The following DMC1 variants were observed in gnomAD, a reference collection of about 807,000 sequenced individuals.
The protein encoded by DMC1 is meiotic recombination protein DMC1 homolog.
DMC1 carries 27 observed loss-of-function variants against 50.1 expected under a neutral mutation model. That is an observed-to-expected ratio of 0.54 (90% CI 0.40 to 0.74). The LOEUF (loss-of-function observed/expected upper bound fraction) is 0.74, where lower values mean the gene tolerates loss of function less well. Ranked by LOEUF, DMC1 falls within the 30% of genes least tolerant of loss-of-function variation. The probability of loss-of-function intolerance (pLI) is 0.00; values close to 1 mark genes in which losing one functional copy is unlikely to be tolerated. For synonymous variants in DMC1, 148 were observed against 136.1 expected, an observed-to-expected ratio of 1.09 and a Z score of -0.61; for missense variants, 295 against 420.2, an observed-to-expected ratio of 0.70 and a Z score of 2.60.
At chr22:38,540,137 GC>G (rs1479456873) in intron 8 of DMC1, among the ~76,000 whole-genome samples, 2 of 152,006 alleles carry the variant, frequency 1.3e-5, no homozygotes, top group African/African-American at 4.8e-5. Flanking sequence ...GGAGTTGTTA[GC>G]TTTTTTTTTG....
chr22:38,557,602 C>T (rs1402588603), intron 5 of DMC1, among the ~76,000 whole-genome samples: 1 of 152,042 alleles, frequency 6.6e-6, no homozygotes, highest in East Asian at 1.9e-4. Flanking sequence ...TCTACTCAGG[C>T]TGCAGTGAGC....
chr22:38,557,953 G>GTTTTTTTTTTTTTTTTT (rs1555940699), intron 5 of DMC1, among the ~76,000 whole-genome samples: 3 of 94,978 alleles, frequency 3.2e-5, no homozygotes, highest in Non-Finnish European at 4.3e-5. Context: ...ATTAGACAAA[G>GTTTTTTTTTTTTTTTTT]TTCTTTTTTT....
intron 5 of DMC1, 72 bp from the exon 6 acceptor site, chr22:38,555,481 T>A: frequency 3.1e-6 from 3 of 968,440 alleles, no homozygotes; most frequent in Non-Finnish European, 5.0e-6. Context: ...AGTATTCATA[T>A]CATTAGTATC....
At chr22:38,536,781 G>A (rs1427787834) in intron 12 of DMC1, among the ~76,000 whole-genome samples, 1 of 152,044 alleles carries the variant, frequency 6.6e-6, no homozygotes, top group East Asian at 1.9e-4. Context: ...ATTCTATAAA[G>A]AACTAGAGAA....
chr22:38,519,824 C>T lies in DMC1; in HGVS notation c.*196G>A, dbSNP rs527476724. The T allele has an allele frequency of 3.7e-6, 2 of 546,206 alleles. No individual in the cohort carries two copies. Among genetic ancestry groups the T allele is most frequent in the African/African-American group, 3.8e-5 (2 of 52,490 alleles). The allele number at this position is 546,206 out of a possible 1,614,324, so 33.8% of individuals were successfully genotyped here. A position where few individuals can be genotyped will look rare whatever the true frequency, so the allele number is the denominator to read the frequency against. ...CACACAAACATACATATACATATCCCTGAATTTACATACAATGTATAGTTA... is the reference window on the plus strand; with the variant it reads ...CACACAAACATACATATACATATCCTTGAATTTACATACAATGTATAGTTA... On this transcript the variant is annotated 3_prime_UTR_variant, in exon 14 of 14. Coordinates refer to ENST00000216024, the MANE Select transcript of DMC1 (RefSeq NM_007068.4).
At chr22:38,532,645 G>T (rs1257439318) in intron 12 of DMC1, among the ~76,000 whole-genome samples, 2 of 147,246 alleles carry the variant, frequency 1.4e-5, no homozygotes, top group Admixed American at 6.8e-5. Flanking sequence ...TTTGAGACAG[G>T]TTCTCACTCT....
chr22:38,536,709 C>T (rs371229074), intron 12 of DMC1, among the ~76,000 whole-genome samples: 6 of 152,210 alleles, frequency 3.9e-5, no homozygotes, highest in Non-Finnish European at 8.8e-5. Context: ...CTCCCATACC[C>T]CTTTAGCCCT....
At chr22:38,512,714 T>C in the DMC1 span, among the ~76,000 whole-genome samples, 1 of 152,214 alleles carries the variant, frequency 6.6e-6, no homozygotes. Flanking sequence ...GGCACTCTGT[T>C]GTTACCTTGG....
chr22:38,540,851 G>T (rs1010745389), intron 8 of DMC1, among the ~76,000 whole-genome samples: 1 of 152,088 alleles, frequency 6.6e-6, no homozygotes, highest in African/African-American at 2.4e-5. Flanking sequence ...TGTTGTGGCA[G>T]GCCAGGTCTT....
chr22:38,534,477 C>T (rs527681059), intron 12 of DMC1, among the ~76,000 whole-genome samples: 23 of 151,480 alleles, frequency 1.5e-4, no homozygotes, highest in Admixed American at 2.0e-4. Flanking sequence ...CTGAGGTGGG[C>T]GAATCACCTG....
the DMC1 span, among the ~76,000 whole-genome samples, chr22:38,509,994 A>G: frequency 6.6e-6 from 1 of 152,136 alleles, no homozygotes; most frequent in African/African-American, 2.4e-5. Flanking sequence ...TAATAATATA[A>G]ATAGGCCGGG....
downstream of DMC1, among the ~76,000 whole-genome samples, chr22:38,518,262 G>T (rs111952239): frequency 1.3e-5 from 2 of 151,994 alleles, no homozygotes; most frequent in African/African-American, 2.4e-5. Context: ...GTGAGCTACC[G>T]CACCCAGCAG....
At chr22:38,521,148 T>A (rs1042921869) in intron 13 of DMC1, among the ~76,000 whole-genome samples, 3 of 152,194 alleles carry the variant, frequency 2.0e-5, no homozygotes, top group Non-Finnish European at 2.9e-5. Context: ...GAGAAAGTGA[T>A]GTTTAAACTG....
Position 38,558,206 on chromosome 22 carries a change from A to C in DMC1, c.327-2797T>G, listed in dbSNP as rs947771372. ...TGATCCACCCGCCTCAGCCTCCCAA[A>C]GTGTTGGGATTACAGGTGTGAGCCA... is the stretch of plus-strand genomic sequence containing the variant. On this transcript the variant is annotated intron_variant, in intron 5 of 13. Coordinates refer to ENST00000216024, the MANE Select transcript of DMC1 (RefSeq NM_007068.4). Among the ~76,000 whole-genome samples, 46 of 151,278 alleles carry C rather than the reference A, an allele frequency of 3.0e-4. 1 individual carries two copies. The highest frequency in any genetic ancestry group is 2.9e-5 in the Non-Finnish European group (2 of 67,846).
intron 1 of DMC1, among the ~76,000 whole-genome samples, chr22:38,569,687 G>A (rs1007426003): frequency 6.6e-6 from 1 of 152,208 alleles, no homozygotes; most frequent in African/African-American, 2.4e-5. Flanking sequence ...CCAATCCCCC[G>A]GTTTAAGACG....
At chr22:38,515,145 C>T (rs1332964854), downstream of DMC1, among the ~76,000 whole-genome samples, 1 of 149,712 alleles carries the variant, frequency 6.7e-6, no homozygotes, top group Admixed American at 6.6e-5. Context: ...GGATTACAGG[C>T]GTGAGCCACT....
chr22:38,564,084 G>A (rs923441199), intron 4 of DMC1, among the ~76,000 whole-genome samples: 11 of 152,156 alleles, frequency 7.2e-5, no homozygotes, highest in Non-Finnish European at 5.9e-5. Flanking sequence ...TGGGAGGATC[G>A]CTTGAGCCTG....
chr22:38,535,482 C>G (rs1190450708), intron 12 of DMC1, among the ~76,000 whole-genome samples: 3 of 151,712 alleles, frequency 2.0e-5, no homozygotes, highest in African/African-American at 7.3e-5. Flanking sequence ...AACTGATGAA[C>G]CTAGATAAAT....
chr22:38,553,227 G>A (rs759926274), intron 6 of DMC1, among the ~76,000 whole-genome samples: 22 of 151,052 alleles, frequency 1.5e-4, no homozygotes, highest in African/African-American at 4.1e-4. Flanking sequence ...GGCCGGGCGC[G>A]GTGGCTTATG....
Sources: gnomAD v4.1 joint callset for allele counts (sites outside exome capture counted in the v4.1 genomes callset) on GRCh38, gnomAD v4.1.1 for gene constraint, MANE v1.5 for transcripts, NCBI Gene and HGNC (gene_info 2026-07-23, HGNC 2026-07-21) for gene names.